Variants in CREBBP observed in about 807,000 individuals in gnomAD.
CREBBP encodes CREB-binding protein.
In CREBBP, 19 loss-of-function variants were observed where a neutral mutation model predicts 265.0. The observed-to-expected ratio is 0.07, with a 90% CI of 0.05 to 0.11. The LOEUF (loss-of-function observed/expected upper bound fraction) is 0.11, where lower values mean the gene tolerates loss of function less well. CREBBP is among the 10% of genes least tolerant of loss of function. CREBBP has a pLI of 1.00. For synonymous variants in CREBBP, 1,457 were observed against 1,223.7 expected (o/e 1.19, Z -3.98); for missense variants, 2,525 against 3,219.0 (o/e 0.78, Z 5.22).
chr16:3,868,131 T>C (rs1191037774), intron 1 of CREBBP, among the ~76,000 whole-genome samples: 2 of 152,070 alleles, frequency 1.3e-5, no homozygotes, highest in East Asian at 3.9e-4. Context: ...AAGAAACAGC[T>C]AACACTGGTT....
rs1397919671 is a variant in CREBBP at position 3,749,790 on chromosome 16, A to C, written c.3780-107T>G. The C allele has an allele frequency of 3.3e-5, 23 of 700,638 alleles. No individual in the cohort carries two copies. The East Asian group carries it at 6.0e-4, about 18-fold the overall frequency. The allele number at this position is 700,638 out of a possible 1,614,324, so 43.4% of individuals were successfully genotyped here. A position where few individuals can be genotyped will look rare whatever the true frequency, so the allele number is the denominator to read the frequency against. ...TTTGTAACTAGTTCTTCAAACAAAAAGACATGATGGCCCCTTAAAATCTCA... is the reference window on the plus strand; with the variant it reads ...TTTGTAACTAGTTCTTCAAACAAAACGACATGATGGCCCCTTAAAATCTCA... On this transcript the variant is annotated intron_variant, in intron 20 of 30. Transcript: ENST00000262367.
At position 3,726,317 on chromosome 16, in the gene CREBBP, G is replaced by A. The variant is rs565169280; in HGVS notation, c.*1401C>T. 8.6e-5 allele frequency: 20 copies of A among 233,356 alleles called. No homozygotes were observed. The highest frequency in any genetic ancestry group is 5.6e-4 in the Admixed American group (10 of 17,796). 14.5% of individuals were successfully genotyped at this position (233,356 alleles called of 1,614,324 possible). ...AGCTACGACGGACAGGGAGGATGGA[G>A]GAGTGGGCCAAATGCAGTTTCAGAC... On this transcript the variant is annotated 3_prime_UTR_variant, in exon 31 of 31. Coordinates refer to ENST00000262367, the MANE Select transcript of CREBBP (RefSeq NM_004380.3).
In CREBBP at chr16:3,738,658, G is replaced by C. The variant is rs2151334533; in HGVS notation, c.4295C>G (p.Ser1432Cys). The stretch of plus-strand genomic sequence containing the variant: ...GAAGAAATGAATACTATCCAGATAA[G>C]AAATGTACACACGCCTGTGGGAAGG... Reference protein sequence around the residue: ...PPPNTRRVYISYLDSIHFFRP... With the variant: ...PPPNTRRVYICYLDSIHFFRP... Residue 1432 changes from serine (S) to cysteine (C), a missense_variant, in exon 26 of 31, where the codon TCT becomes TGT. Physicochemically the swap from Ser to Cys is moderately radical, Grantham distance 112 (BLOSUM62 -1). Coordinates refer to ENST00000262367, the MANE Select transcript of CREBBP (RefSeq NM_004380.3). 1.2e-6 allele frequency: 2 copies of C among 1,612,186 alleles called. No individual in the cohort carries two copies. Among genetic ancestry groups the C allele is most frequent in the Non-Finnish European group, 1.7e-6 (2 of 1,178,372 alleles).
intron 23 of CREBBP, chr16:3,742,590 A>G (rs2052243806): frequency 6.6e-6 from 1 of 151,932 alleles, no homozygotes; most frequent in Non-Finnish European, 1.5e-5. Context: ...CAATAAAATT[A>G]TTATCTTACT....
chr16:3,750,376 A>G (rs2052446360), intron 20 of CREBBP, among the ~76,000 whole-genome samples: 1 of 152,228 alleles, frequency 6.6e-6, no homozygotes, highest in African/African-American at 2.4e-5. Context: ...AAGTGCCTAC[A>G]CTGCTGGAAG....
intron 16 of CREBBP, among the ~76,000 whole-genome samples, chr16:3,759,608 A>G (rs748836607): frequency 3.3e-5 from 5 of 151,940 alleles, no homozygotes; most frequent in Non-Finnish European, 7.3e-5. Flanking sequence ...AGACCATTTC[A>G]TTGGAAGGGA....
In CREBBP at chr16:3,731,751, C is replaced by T. The variant is rs1411111389; in HGVS notation, c.4890+25G>A. ...TCCCTCCTCCCGGCCAGAGGCACGG[C>T]TGCAGCACCGCAGCCCACGCCTACC... On this transcript the variant is annotated intron_variant, in intron 29 of 30. Coordinates refer to ENST00000262367, the MANE Select transcript of CREBBP (RefSeq NM_004380.3). This position sits in a 1 kb window ranked among gnomAD's most constrained non-coding sequence, Gnocchi z 7.7. 6.2e-7 allele frequency: 1 copy of T among 1,614,110 alleles called. No homozygotes were observed. Among genetic ancestry groups the T allele is most frequent in the African/African-American group, 1.3e-5 (1 of 75,074 alleles).
intron 2 of CREBBP, among the ~76,000 whole-genome samples, chr16:3,811,036 T>C (rs1007334430): frequency 6.6e-6 from 1 of 151,468 alleles, no homozygotes; most frequent in Admixed American, 6.6e-5. Flanking sequence ...ACTCAATCCC[T>C]CCTGCCCCAA....
At chr16:3,755,941 CCTT>C (rs1311607081) in intron 19 of CREBBP, among the ~76,000 whole-genome samples, 1 of 151,898 alleles carries the variant, frequency 6.6e-6, no homozygotes, top group Non-Finnish European at 1.5e-5. Flanking sequence ...GGCTTAGGAA[CCTT>C]TTTTGAGACA....
At chr16:3,776,070 C>T (rs1219871643) in intron 11 of CREBBP, among the ~76,000 whole-genome samples, 1 of 152,160 alleles carries the variant, frequency 6.6e-6, no homozygotes, top group African/African-American at 2.4e-5. Context: ...GTGTGCACCA[C>T]CATGCCTGGC....
intron 30 of CREBBP, 143 bp from the exon 31 acceptor site, chr16:3,730,017 C>G: frequency 7.2e-7 from 1 of 1,398,318 alleles, no homozygotes; most frequent in Middle Eastern, 2.4e-4. Context: ...GATGCGAGCA[C>G]GGACAGGTGG....
Position 3,827,792 on chromosome 16 carries a change from G to C in CREBBP, c.799-17013C>G, listed in dbSNP as rs535253170. Among the ~76,000 whole-genome samples, 140 of 152,238 alleles carry C rather than the reference G, an allele frequency of 9.2e-4. 1 individual carries two copies. The highest frequency in any genetic ancestry group is 2.9e-3 in the African/African-American group (121 of 41,538). The stretch of plus-strand genomic sequence containing the variant: ...TACAGCCCCGGCCTCCTGAGCTCAA[G>C]TGATCTTCCTACCTCAGCCTCCTGA... On this transcript the variant is annotated intron_variant, in intron 2 of 30. Coordinates refer to ENST00000262367, the MANE Select transcript of CREBBP (RefSeq NM_004380.3).
At chr16:3,767,685 G>T (rs776115262) in intron 16 of CREBBP, 35 bp downstream of exon 16, 1 of 1,613,520 alleles carries the variant, frequency 6.2e-7, no homozygotes, top group South Asian at 1.1e-5. Context: ...TGGAAAAGCA[G>T]CATGCTTTAA....
At chr16:3,821,753 G>A (rs1228487989) in intron 2 of CREBBP, among the ~76,000 whole-genome samples, 4 of 152,166 alleles carry the variant, frequency 2.6e-5, no homozygotes, top group Admixed American at 6.5e-5. Flanking sequence ...ATCTTGGCTG[G>A]GCGTGGTGGC....
intron 16 of CREBBP, chr16:3,767,305 G>A (rs994324821): frequency 2.8e-5 from 6 of 212,708 alleles, no homozygotes; most frequent in African/African-American, 7.0e-5. Context: ...AAGTCACCCT[G>A]TGCTGTCATA....
intron 7 of CREBBP, 138 bp downstream of exon 7, chr16:3,781,066 A>C: frequency 9.5e-7 from 1 of 1,051,702 alleles, no homozygotes; most frequent in Non-Finnish European, 1.4e-6. Flanking sequence ...ATTAAAGAAA[A>C]AAAGGAAAAC....
chr16:3,844,950 G>C (rs2141463785), intron 2 of CREBBP, among the ~76,000 whole-genome samples: 1 of 152,142 alleles, frequency 6.6e-6, no homozygotes, highest in East Asian at 1.9e-4. Flanking sequence ...CCCCAGAAAA[G>C]ATAATTTATA....
chr16:3,757,162 C>G, intron 19 of CREBBP, 126 bp downstream of exon 19: 1 of 805,020 alleles, frequency 1.2e-6, no homozygotes, highest in Non-Finnish European at 2.1e-6. Context: ...GCGTGAGCCA[C>G]CACACCCGGC....
At chr16:3,744,341 C>T (rs989589722) in intron 23 of CREBBP, among the ~76,000 whole-genome samples, 2 of 152,218 alleles carry the variant, frequency 1.3e-5, no homozygotes, top group African/African-American at 4.8e-5. Flanking sequence ...AACATTACAC[C>T]ACACATGCAC....
Sources: allele counts gnomAD v4.1 joint callset (sites outside exome capture counted in the v4.1 genomes callset), GRCh38; gene constraint gnomAD v4.1.1; non-coding constraint Gnocchi (gnomAD v3.1); transcripts MANE v1.5; gene names NCBI Gene and HGNC (gene_info 2026-07-23, HGNC 2026-07-21).